Variants in PITPNM3 observed in about 807,000 individuals in gnomAD.
PITPNM3 encodes membrane-associated phosphatidylinositol transfer protein 3.
Under a neutral mutation model 102.0 loss-of-function variants are expected in PITPNM3, and 26 were observed. The ratio of observed to expected loss-of-function variants is 0.25; its 90% CI spans 0.19 to 0.35. The LOEUF (loss-of-function observed/expected upper bound fraction) is 0.35, where lower values mean the gene tolerates loss of function less well. Among genes scored for constraint, PITPNM3 ranks in the 10% least tolerant of loss-of-function variants. The probability of loss-of-function intolerance (pLI) is 1.00; values close to 1 mark genes in which losing one functional copy is unlikely to be tolerated. For missense variants in PITPNM3, 1,083 were observed against 1,346.1 expected, an observed-to-expected ratio of 0.80 and a Z score of 3.06; for synonymous variants, 578 against 558.6, an observed-to-expected ratio of 1.03 and a Z score of -0.49.
intron 1 of PITPNM3, among the ~76,000 whole-genome samples, chr17:6,546,741 A>ACGCC (rs1910038981): frequency 1.3e-5 from 2 of 152,244 alleles, no homozygotes; most frequent in Admixed American, 1.3e-4. Flanking sequence ...GTGGTGGCTC[A>ACGCC]CGCCCGTAAT....
At chr17:6,533,690 C>T (rs1909263014) in intron 2 of PITPNM3, among the ~76,000 whole-genome samples, 1 of 151,902 alleles carries the variant, frequency 6.6e-6, no homozygotes, top group African/African-American at 2.4e-5. Context: ...CTCCTGAACT[C>T]GTGATCCGCC....
At chr17:6,545,982 C>A (rs921600594) in intron 1 of PITPNM3, among the ~76,000 whole-genome samples, 1 of 152,220 alleles carries the variant, frequency 6.6e-6, no homozygotes, top group Non-Finnish European at 1.5e-5. Flanking sequence ...AAGGCCCCCT[C>A]TCAGGGGAGC....
At chr17:6,541,172 A>G (rs1448977188) in intron 1 of PITPNM3, among the ~76,000 whole-genome samples, 1 of 152,184 alleles carries the variant, frequency 6.6e-6, no homozygotes, top group Non-Finnish European at 1.5e-5. Flanking sequence ...TCGTATTTCC[A>G]ACAAGGAGAA....
chr17:6,495,502 G>A (rs551296766), intron 4 of PITPNM3, among the ~76,000 whole-genome samples: 16 of 152,310 alleles, frequency 1.1e-4, no homozygotes, highest in African/African-American at 3.4e-4. Context: ...GCAACTCCAG[G>A]AAGATGGAGA....
chr17:6,478,971 G>A lies in PITPNM3; in HGVS notation c.588-235C>T. ...TGTGTCCTTCCCGTGCTGGCCATGGGTGTGGGCCCTGGGGTCCCTGTGACT... is the reference window on the plus strand; with the variant it reads ...TGTGTCCTTCCCGTGCTGGCCATGGATGTGGGCCCTGGGGTCCCTGTGACT... On this transcript the variant is annotated intron_variant, in intron 6 of 19. Coordinates refer to ENST00000262483, the MANE Select transcript of PITPNM3 (RefSeq NM_031220.4). This position sits in a 1 kb window ranked among gnomAD's most constrained non-coding sequence, Gnocchi z 4.4. The A allele has an allele frequency of 1.7e-6, 1 of 576,574 alleles. No individual in the cohort carries two copies. The allele number at this position is 576,574 out of a possible 1,614,324, so 35.7% of individuals were successfully genotyped here.
chr17:6,487,998 G>A (rs1385539369), intron 4 of PITPNM3, among the ~76,000 whole-genome samples: 3 of 152,206 alleles, frequency 2.0e-5, no homozygotes, highest in Non-Finnish European at 4.4e-5. Context: ...TTTGCTCTGG[G>A]AGATGGAGGA....
At chr17:6,536,956 G>T (rs570654647) in intron 2 of PITPNM3, among the ~76,000 whole-genome samples, 2 of 152,310 alleles carry the variant, frequency 1.3e-5, no homozygotes, top group African/African-American at 4.8e-5. Context: ...AGCATGGCTA[G>T]GGAGGGTCTT....
rs1351785165 is a variant in PITPNM3 at position 6,452,661 on chromosome 17, T to C, written c.*2677A>G. ...CGTGAAAGCAGTACTGAAACATACC[T>C]TGTCTCGCCACTAAACAGAACCGCA... On this transcript the variant is annotated 3_prime_UTR_variant, in exon 20 of 20. Transcript: ENST00000262483. The C allele has an allele frequency of 1.3e-5, 2 of 152,214 alleles. No individual in the cohort carries two copies. The highest frequency in any genetic ancestry group is 4.8e-5 in the African/African-American group (2 of 41,438). 9.4% of individuals were successfully genotyped at this position (152,214 alleles called of 1,614,324 possible).
rs1567670360 is a variant in PITPNM3 at position 6,482,036 on chromosome 17, G to GTCTC, written c.587+1480_587+1481insGAGA. 1.7e-3 allele frequency among the ~76,000 whole-genome samples: 44 copies of GTCTC among 25,846 alleles called. 4 individuals carry two copies. The highest frequency in any genetic ancestry group is 3.0e-3 in the South Asian group (2 of 658). The allele number at this position is 25,846 out of a possible 152,430, so 17.0% of individuals were successfully genotyped here. On this transcript the variant is annotated intron_variant, in intron 6 of 19. Transcript: ENST00000262483. ...TCTCTCTCTCTCTCTCTCTCTCTCT[G>GTCTC]TCTGTCTCTCTCTCTCTCTCTCTCT... is the stretch of plus-strand genomic sequence containing the variant.
At chr17:6,504,995 T>C (rs916383753) in intron 3 of PITPNM3, among the ~76,000 whole-genome samples, 3 of 151,926 alleles carry the variant, frequency 2.0e-5, no homozygotes, top group Non-Finnish European at 4.4e-5. Context: ...GCCAACATGG[T>C]GGAACCCTGT....
At position 6,477,247 on chromosome 17, in the gene PITPNM3, G is replaced by T. The variant is rs187900964; in HGVS notation, c.901-34C>A. On this transcript the variant is annotated intron_variant, in intron 8 of 19. Transcript: ENST00000262483. ...CCGAACAGGGGACAGGAGAGAAAAA[G>T]ACTGTTGTCACGGGAGACTCTGGGG... 13,671 of 1,605,696 alleles carry T rather than the reference G, an allele frequency of 8.5e-3. 76 individuals carry two copies. Among genetic ancestry groups the T allele is most frequent in the Non-Finnish European group, 0.01 (11,963 of 1,173,362 alleles).
In PITPNM3 at chr17:6,470,126, T is replaced by G; in HGVS notation, c.1773+134A>C. 2 of 1,052,950 alleles carry G rather than the reference T, an allele frequency of 1.9e-6. No homozygotes were observed. The highest frequency in any genetic ancestry group is 2.8e-6 in the Non-Finnish European group (2 of 711,102). The allele number at this position is 1,052,950 out of a possible 1,614,324, so 65.2% of individuals were successfully genotyped here. A position where few individuals can be genotyped will look rare whatever the true frequency, so the allele number is the denominator to read the frequency against. ...CTCCCCACTCACGTAGGTGCTCCAA[T>G]GCCTTCCTCATGCTCTTAGGATCAA... On this transcript the variant is annotated intron_variant, in intron 13 of 19. Coordinates refer to ENST00000262483, the MANE Select transcript of PITPNM3 (RefSeq NM_031220.4). The surrounding 1 kb of genome is among the most constrained non-coding windows in gnomAD (Gnocchi z 4.8).
At chr17:6,494,080 C>T (rs1325735389) in intron 4 of PITPNM3, among the ~76,000 whole-genome samples, 2 of 152,166 alleles carry the variant, frequency 1.3e-5, no homozygotes, top group Non-Finnish European at 1.5e-5. Context: ...AGTCCTCATC[C>T]GGTGTCTCAG....
chr17:6,488,404 T>C (rs773971666), intron 4 of PITPNM3, among the ~76,000 whole-genome samples: 4 of 152,178 alleles, frequency 2.6e-5, no homozygotes, highest in Non-Finnish European at 5.9e-5. Context: ...TAGGCAAAGA[T>C]GGCTATCCCA....
Position 6,537,947 on chromosome 17 carries a change from A to G in PITPNM3, c.118+40T>C. On this transcript the variant is annotated intron_variant, in intron 2 of 19. Transcript: ENST00000262483. The surrounding 1 kb of genome is among the most constrained non-coding windows in gnomAD (Gnocchi z 4.4). Reference sequence around the variant, plus strand: ...GATCTTCTTCTTGAGGCTTCTAGGAAGGTCACCCAGCCAGTGATATGAGAC... The same window carrying G: ...GATCTTCTTCTTGAGGCTTCTAGGAGGGTCACCCAGCCAGTGATATGAGAC... 3 of 1,539,030 alleles carry G rather than the reference A, an allele frequency of 1.9e-6. No homozygotes were observed. The highest frequency in any genetic ancestry group is 2.7e-6 in the Non-Finnish European group (3 of 1,113,236).
At chr17:6,491,836 T>TACATAA (rs148932496) in intron 4 of PITPNM3, among the ~76,000 whole-genome samples, 2 of 139,286 alleles carry the variant, frequency 1.4e-5, no homozygotes, top group African/African-American at 5.5e-5. Context: ...TATATATATA[T>TACATAA]AATAAAGAAT....
Position 6,455,234 on chromosome 17 carries a change from A to G in PITPNM3, c.*104T>C. ...ACACTGCTGGACAGACACGGGAGGG[A>G]AAAAGCAGGAAAACGCCTGTGTCGG... is the stretch of plus-strand genomic sequence containing the variant. On this transcript the variant is annotated 3_prime_UTR_variant, in exon 20 of 20. Coordinates refer to ENST00000262483, the MANE Select transcript of PITPNM3 (RefSeq NM_031220.4). 7.3e-7 allele frequency: 1 copy of G among 1,376,044 alleles called. No homozygotes were observed. The highest frequency in any genetic ancestry group is 2.5e-5 in the East Asian group (1 of 39,546). 85.2% of individuals were successfully genotyped at this position (1,376,044 alleles called of 1,614,324 possible). A position where few individuals can be genotyped will look rare whatever the true frequency, so the allele number is the denominator to read the frequency against.
At position 6,471,335 on chromosome 17, in the gene PITPNM3, T is replaced by C; in HGVS notation, c.1450A>G (p.Ser484Gly). Residue 484 changes from serine to glycine, a missense_variant, in exon 12 of 20, where the codon AGC becomes GGC. Ser to Gly is a moderately conservative substitution (Grantham distance 56). Coordinates refer to ENST00000262483, the MANE Select transcript of PITPNM3 (RefSeq NM_031220.4). Reference sequence around the variant, plus strand: ...GAGCTGCCCTCCAGGAAGAGGGGGCTGTGGGTGTGTAGGGCATCAGCTGGA... The same window carrying C: ...GAGCTGCCCTCCAGGAAGAGGGGGCCGTGGGTGTGTAGGGCATCAGCTGGA... The part of the protein sequence containing the change: ...LLLADALHTH[S>G]PLFLEGSSRD... The C allele has an allele frequency of 6.2e-7, 1 of 1,604,000 alleles. No individual in the cohort carries two copies. Among genetic ancestry groups the C allele is most frequent in the Non-Finnish European group, 8.5e-7 (1 of 1,176,982 alleles).
At chr17:6,524,958 CCTT>C (rs774973393) in intron 3 of PITPNM3, among the ~76,000 whole-genome samples, 16 of 152,190 alleles carry the variant, frequency 1.1e-4, no homozygotes, top group Non-Finnish European at 1.9e-4. Context: ...TCACTGCTGT[CCTT>C]CTCTCTCCCC....
Sources: allele counts gnomAD v4.1 joint callset (sites outside exome capture counted in the v4.1 genomes callset), GRCh38; gene constraint gnomAD v4.1.1; non-coding constraint Gnocchi (gnomAD v3.1); transcripts MANE v1.5; gene names NCBI Gene and HGNC (gene_info 2026-07-23, HGNC 2026-07-21).